The following HNMT variants were observed in gnomAD, a reference collection of about 807,000 sequenced individuals.
HNMT encodes the protein histamine N-methyltransferase.
HNMT carries 30 observed loss-of-function variants against 32.1 expected under a neutral mutation model. That is an observed-to-expected ratio of 0.93 (90% confidence interval 0.70 to 1.27). HNMT has a LOEUF of 1.27. Ranked by LOEUF, HNMT falls within the 50% of genes most tolerant of loss-of-function variation. HNMT has a pLI of 0.00. For missense variants in HNMT, 327 were observed against 346.0 expected (o/e 0.95, Z 0.43); for synonymous variants, 125 against 119.0 (o/e 1.05, Z -0.33).
At chr2:137,974,781 T>C (rs754810437) in intron 2 of HNMT, among the ~76,000 whole-genome samples, 1 of 152,206 alleles carries the variant, frequency 6.6e-6, no homozygotes, top group Non-Finnish European at 1.5e-5. Flanking sequence ...AATAATTGTA[T>C]ATACATTTAT....
chr2:137,986,773 T>C (rs1327873052), intron 2 of HNMT, among the ~76,000 whole-genome samples: 4 of 152,234 alleles, frequency 2.6e-5, no homozygotes, highest in African/African-American at 7.2e-5. Flanking sequence ...AAATAAGCTA[T>C]AATTCTATCG....
chr2:137,974,592 C>T (rs1680232663), intron 2 of HNMT, among the ~76,000 whole-genome samples: 2 of 152,158 alleles, frequency 1.3e-5, no homozygotes, highest in South Asian at 4.1e-4. Context: ...GCTCTGGGCT[C>T]TGCTTAAAGG....
intron 1 of HNMT, among the ~76,000 whole-genome samples, chr2:137,965,041 C>T (rs1437967392): frequency 1.3e-5 from 2 of 152,120 alleles, no homozygotes; most frequent in African/African-American, 2.4e-5. Flanking sequence ...TGCCAAAGTA[C>T]GATTTGCCCT....
intron 2 of HNMT, among the ~76,000 whole-genome samples, chr2:137,994,288 A>G (rs1185908415): frequency 6.6e-6 from 1 of 152,256 alleles, no homozygotes; most frequent in African/African-American, 2.4e-5. Flanking sequence ...GACCCATCTC[A>G]TGTGCAAAGA....
At chr2:137,982,228 A>G (rs953041217) in intron 2 of HNMT, among the ~76,000 whole-genome samples, 1 of 152,176 alleles carries the variant, frequency 6.6e-6, no homozygotes, top group African/African-American at 2.4e-5. Context: ...TTCCTCTGCT[A>G]TCTTATTAAA....
Position 137,981,223 on chromosome 2 carries a change from C to T in HNMT, c.190+11006C>T, listed in dbSNP as rs1680485917. 1.9e-6 allele frequency: 3 copies of T among 1,613,360 alleles called. No homozygotes were observed. In the South Asian group the frequency reaches 3.3e-5, roughly 18 times the overall value. ...TATTTTCTTGACCTGCAGATTGTCT[C>T]ATTCGGGGAAGCTCCAGGGTTCTCA... On this transcript the variant is annotated intron_variant, in intron 2 of 5. Coordinates refer to ENST00000280097, the MANE Select transcript of HNMT (RefSeq NM_006895.3).
At chr2:137,994,658 G>T (rs758910185) in intron 2 of HNMT, among the ~76,000 whole-genome samples, 1 of 152,174 alleles carries the variant, frequency 6.6e-6, no homozygotes, top group Non-Finnish European at 1.5e-5. Flanking sequence ...CTCAGATCTG[G>T]ATCAAGTGGA....
intron 5 of HNMT, among the ~76,000 whole-genome samples, chr2:138,013,231 A>C (rs995783779): frequency 6.6e-6 from 1 of 152,060 alleles, no homozygotes; most frequent in Non-Finnish European, 1.5e-5. Flanking sequence ...TGGTTCAGAA[A>C]ATTCTATCAG....
At position 138,002,172 on chromosome 2, in the gene HNMT, G is replaced by T; in HGVS notation, c.407G>T (p.Trp136Leu). Residue 136 changes from tryptophan (W) to leucine (L), a missense_variant, in exon 4 of 6, where the codon TGG becomes TTG. By Grantham distance (61) the Trp-to-Leu change is moderately conservative (BLOSUM62 -2). Coordinates refer to ENST00000280097, the MANE Select transcript of HNMT (RefSeq NM_006895.3). ...TTGGAGAAAAAGGAGCTTCAAAAGT[G>T]GGACTTTATTCATATGATTCAAGTA... ...RMLEKKELQK[W>L]DFIHMIQMLY... is the part of the protein sequence containing the mutation. 1 of 1,583,480 alleles carries T rather than the reference G, an allele frequency of 6.3e-7. No individual in the cohort carries two copies. Among genetic ancestry groups the T allele is most frequent in the Non-Finnish European group, 8.6e-7 (1 of 1,157,492 alleles).
At chr2:137,968,857 C>T (rs992240519) in intron 1 of HNMT, among the ~76,000 whole-genome samples, 1 of 152,184 alleles carries the variant, frequency 6.6e-6, no homozygotes, top group Admixed American at 6.5e-5. Context: ...AGACAAAACA[C>T]AGTTTTGTTT....
intron 2 of HNMT, chr2:137,981,113 G>A: frequency 1.5e-6 from 2 of 1,338,974 alleles, no homozygotes; most frequent in South Asian, 1.6e-5. Context: ...TTTTCCTGCT[G>A]ATAATATATA....
chr2:137,970,868 C>T lies in HNMT; in HGVS notation c.190+651C>T, dbSNP rs1680103493. On this transcript the variant is annotated intron_variant, in intron 2 of 5. Coordinates refer to ENST00000280097, the MANE Select transcript of HNMT (RefSeq NM_006895.3). ...CCTGGAGGCGGAGCTTGCAGTGAGC[C>T]GAGATCGCGCCACTGCACTCCAGCC... Among the ~76,000 whole-genome samples, 3 of 141,298 alleles carry T rather than the reference C, an allele frequency of 2.1e-5. No homozygotes were observed. The Admixed American group carries it at 2.3e-4, about 11-fold the overall frequency. 92.7% of individuals were successfully genotyped at this position (141,298 alleles called of 152,430 possible). A position where few individuals can be genotyped will look rare whatever the true frequency, so the allele number is the denominator to read the frequency against.
At chr2:137,999,326 A>G (rs1287610142) in intron 2 of HNMT, among the ~76,000 whole-genome samples, 1 of 152,186 alleles carries the variant, frequency 6.6e-6, no homozygotes, top group African/African-American at 2.4e-5. Flanking sequence ...ACATGATTTC[A>G]AGTAGGTAGG....
At chr2:137,965,853 G>A (rs1679941163) in intron 1 of HNMT, among the ~76,000 whole-genome samples, 2 of 152,162 alleles carry the variant, frequency 1.3e-5, no homozygotes, top group Admixed American at 6.5e-5. Flanking sequence ...GTTTGAAGAG[G>A]TACCGTGGAT....
At chr2:137,998,221 G>T (rs1444786178) in intron 2 of HNMT, among the ~76,000 whole-genome samples, 1 of 152,154 alleles carries the variant, frequency 6.6e-6, no homozygotes, top group East Asian at 1.9e-4. Context: ...GTACTTTAGA[G>T]AATTAGTTGG....
At chr2:138,011,499 G>A (rs1681502882) in intron 5 of HNMT, among the ~76,000 whole-genome samples, 1 of 151,900 alleles carries the variant, frequency 6.6e-6, no homozygotes. Context: ...TTATTATTTA[G>A]CCTATTATTT....
At chr2:137,971,273 G>A (rs906197931) in intron 2 of HNMT, among the ~76,000 whole-genome samples, 2 of 151,820 alleles carry the variant, frequency 1.3e-5, no homozygotes, top group Admixed American at 6.6e-5. Context: ...TCCACCTCCC[G>A]GGTTCAAGCA....
At chr2:138,003,870 G>A (rs1338577965) in intron 4 of HNMT, among the ~76,000 whole-genome samples, 1 of 151,982 alleles carries the variant, frequency 6.6e-6, no homozygotes, top group Non-Finnish European at 1.5e-5. Context: ...TCTTTTCTCT[G>A]TTATAAATAT....
rs200015097 is a variant in HNMT, at chr2:138,005,177, C to T, written c.475C>T (p.His159Tyr). 9 of 1,604,454 alleles carry T rather than the reference C, an allele frequency of 5.6e-6. No individual in the cohort carries two copies. In the East Asian group the frequency reaches 1.3e-4, roughly 24 times the overall value. ...KDIPATLKFF[H>Y]SLLGTNAKML... Reference sequence around the variant, plus strand: ...CATCCCAGCTACCCTGAAATTCTTCCATAGTCTCTTAGGTACCAATGCTAA... The same window carrying T: ...CATCCCAGCTACCCTGAAATTCTTCTATAGTCTCTTAGGTACCAATGCTAA... Residue 159 changes from histidine to tyrosine, a missense_variant, in exon 5 of 6, where the codon CAT (histidine) becomes TAT (tyrosine). By Grantham distance (83) the His-to-Tyr change is moderately conservative. Transcript: ENST00000280097.
Sources: gnomAD v4.1 joint callset for allele counts (sites outside exome capture counted in the v4.1 genomes callset) on GRCh38, gnomAD v4.1.1 for gene constraint, MANE v1.5 for transcripts, NCBI Gene and HGNC (gene_info 2026-07-23, HGNC 2026-07-21) for gene names.